The following CHODL variants were observed in gnomAD, a reference collection of about 807,000 sequenced individuals.
The protein encoded by CHODL is transmembrane protein MT75.
CHODL carries 29 observed loss-of-function variants against 34.5 expected under a neutral mutation model. That is an observed-to-expected ratio of 0.84 (90% CI 0.63 to 1.15). CHODL has a LOEUF of 1.15. Among genes scored for constraint, CHODL ranks in the 50% most tolerant of loss-of-function variants. The pLI, the probability that CHODL is intolerant of heterozygous loss-of-function variation, is 0.00. For synonymous variants in CHODL, 125 were observed against 116.1 expected, an observed-to-expected ratio of 1.08 and a Z score of -0.49; for missense variants, 332 against 332.5, an observed-to-expected ratio of 1.00 and a Z score of 0.01.
Position 18,245,181 on chromosome 21 carries a change from C to T in CHODL, c.-43C>T, listed in dbSNP as rs1222747561. ...CGCGGGCTGCGCCCTGGGCAGAGGC[C>T]GCCCTCGCTCCACGCAACACCTGCT... On this transcript the variant is annotated 5_prime_UTR_variant, in exon 1 of 6. Transcript: ENST00000299295. 5.4e-6 allele frequency: 8 copies of T among 1,485,054 alleles called. No individual in the cohort carries two copies. Among genetic ancestry groups the T allele is most frequent in the Non-Finnish European group, 7.2e-6 (8 of 1,116,846 alleles). 92.0% of individuals were successfully genotyped at this position (1,485,054 alleles called of 1,614,324 possible).
At chr21:17,963,774 C>T (rs1368520957) in intron 1 of CHODL, among the ~76,000 whole-genome samples, 2 of 151,686 alleles carry the variant, frequency 1.3e-5, no homozygotes, top group Admixed American at 6.6e-5. Context: ...TAAAGCTTCT[C>T]TCTATTATCT....
At chr21:18,201,939 G>C (rs2073658579) in intron 2 of CHODL, among the ~76,000 whole-genome samples, 1 of 151,310 alleles carries the variant, frequency 6.6e-6, no homozygotes, top group African/African-American at 2.4e-5. Context: ...TGAGTAGTTG[G>C]GACTACAGGC....
chr21:18,262,939 G>T, intron 5 of CHODL, 46 bp downstream of exon 5: 1 of 1,065,038 alleles, frequency 9.4e-7, no homozygotes, highest in Non-Finnish European at 1.4e-6. Context: ...ACTTTAAATA[G>T]GTTTTCAGAA....
chr21:18,166,002 A>C (rs2146650449), intron 2 of CHODL, among the ~76,000 whole-genome samples: 1 of 152,346 alleles, frequency 6.6e-6, no homozygotes, highest in African/African-American at 2.4e-5. Flanking sequence ...TCTGTAGATC[A>C]GAAATCTGGG....
At chr21:17,988,444 A>T (rs187841187) in intron 1 of CHODL, among the ~76,000 whole-genome samples, 1,990 of 144,236 alleles carry the variant, frequency 0.014, 21 homozygotes, top group Non-Finnish European at 0.023. Flanking sequence ...CATGTGCACA[A>T]TGTGCAGGTT....
intron 1 of CHODL, among the ~76,000 whole-genome samples, chr21:18,025,104 G>C (rs373290143): frequency 1.3e-5 from 2 of 152,100 alleles, no homozygotes; most frequent in East Asian, 3.9e-4. Flanking sequence ...TGTTGTTCTT[G>C]ATTCTGCTAA....
chr21:18,159,978 G>T (rs918466250), intron 2 of CHODL, among the ~76,000 whole-genome samples: 21 of 152,194 alleles, frequency 1.4e-4, no homozygotes, highest in African/African-American at 4.8e-4. Flanking sequence ...AACCTGAAAA[G>T]ATCCTCATCA....
intron 2 of CHODL, among the ~76,000 whole-genome samples, chr21:18,115,587 A>AT (rs2065402544): frequency 6.6e-6 from 1 of 152,162 alleles, no homozygotes; most frequent in African/African-American, 2.4e-5. Context: ...ATTGCTCCAA[A>AT]TTTTAATCCC....
At chr21:18,092,900 A>T (rs1354890978) in intron 2 of CHODL, among the ~76,000 whole-genome samples, 1 of 152,204 alleles carries the variant, frequency 6.6e-6, no homozygotes, top group African/African-American at 2.4e-5. Context: ...AGGTAAAGAA[A>T]GAGATGGGGT....
intron 2 of CHODL, among the ~76,000 whole-genome samples, chr21:18,071,339 T>C (rs1209585702): frequency 6.6e-6 from 1 of 151,398 alleles, no homozygotes; most frequent in Admixed American, 6.6e-5. Flanking sequence ...TAGAGATGGG[T>C]TTTCACTATG....
intron 1 of CHODL, among the ~76,000 whole-genome samples, chr21:18,251,720 AAT>A (rs2074256810): frequency 7.1e-6 from 1 of 141,422 alleles, no homozygotes; most frequent in Non-Finnish European, 1.5e-5. Context: ...TAATATATAA[AAT>A]AAATATTTAT....
intron 2 of CHODL, among the ~76,000 whole-genome samples, chr21:18,143,098 A>G (rs897599777): frequency 2.0e-5 from 3 of 152,156 alleles, no homozygotes; most frequent in African/African-American, 7.2e-5. Context: ...CAGTGACTGG[A>G]ACTATTGTTT....
At chr21:18,146,231 C>T (rs1367263606) in intron 2 of CHODL, among the ~76,000 whole-genome samples, 1 of 151,832 alleles carries the variant, frequency 6.6e-6, no homozygotes, top group Admixed American at 6.6e-5. Flanking sequence ...CCCACCTCGG[C>T]CTCCCAAAGT....
At chr21:18,156,519 T>C (rs1019914353) in intron 2 of CHODL, among the ~76,000 whole-genome samples, 2 of 152,238 alleles carry the variant, frequency 1.3e-5, no homozygotes, top group African/African-American at 2.4e-5. Flanking sequence ...TGATCGTTCA[T>C]ATAACTGTCA....
At position 18,174,152 on chromosome 21, in the gene CHODL, T is replaced by TATATATATATATATATATAA. The variant is rs1568923201; in HGVS notation, c.-44-82348_-44-82347insTATATATATAAATATATATA. On this transcript the variant is annotated intron_variant, in intron 2 of 6. Transcript: ENST00000400127. ...ATATATATATATATATATATATATA[T>TATATATATATATATATATAA]ATATATATAAAATCAAGTCTCTCAG... 1.1e-3 allele frequency among the ~76,000 whole-genome samples: 141 copies of TATATATATATATATATATAA among 125,782 alleles called. 3 individuals are homozygous for TATATATATATATATATATAA. The highest frequency in any genetic ancestry group is 4.0e-3 in the African/African-American group (133 of 33,572). The allele number at this position is 125,782 out of a possible 152,430, so 82.5% of individuals were successfully genotyped here.
intron 1 of CHODL, among the ~76,000 whole-genome samples, chr21:17,953,313 C>T (rs2063473227): frequency 6.6e-6 from 1 of 151,928 alleles, no homozygotes. Flanking sequence ...GCTAGAAATT[C>T]AGTTGAAGCC....
At chr21:18,170,100 T>C (rs954220716) in intron 2 of CHODL, among the ~76,000 whole-genome samples, 2 of 152,064 alleles carry the variant, frequency 1.3e-5, no homozygotes, top group African/African-American at 4.8e-5. Flanking sequence ...TTCTTGCATT[T>C]TGGGGCTTTT....
rs566152756 is a variant in CHODL at position 18,131,120 on chromosome 21, AAGAG to A, written c.-45+103154_-45+103157del. Among the ~76,000 whole-genome samples, 640 of 151,942 alleles carry A rather than the reference AAGAG, an allele frequency of 4.2e-3. 8 individuals are homozygous for A. Among genetic ancestry groups the A allele is most frequent in the African/African-American group, 0.014 (565 of 41,392 alleles). ...GAAAAGAGAGGAAGACAGAGAGAGA[AAGAG>A]AGAGCAGAGAGAGAGAGACAGAGAG... is the stretch of plus-strand genomic sequence containing the variant. On this transcript the variant is annotated intron_variant, in intron 2 of 6. Coordinates refer to the CHODL transcript ENST00000400127.
At chr21:18,185,424 G>C (rs1250393061) in intron 2 of CHODL, among the ~76,000 whole-genome samples, 2 of 152,096 alleles carry the variant, frequency 1.3e-5, no homozygotes, top group Admixed American at 6.5e-5. Flanking sequence ...GCCTATCATT[G>C]ATGAGCATCT....
Sources: allele counts gnomAD v4.1 joint callset (sites outside exome capture counted in the v4.1 genomes callset), GRCh38; gene constraint gnomAD v4.1.1; transcripts MANE v1.5; gene names NCBI Gene and HGNC (gene_info 2026-07-23, HGNC 2026-07-21).